The following CFTR variants were observed in gnomAD, a reference collection of about 807,000 sequenced individuals.
The protein encoded by CFTR is cystic fibrosis transmembrane conductance regulator.
Under a neutral mutation model 171.6 loss-of-function variants are expected in CFTR, and 181 were observed. That is an observed-to-expected ratio of 1.05 (90% CI 0.93 to 1.19). CFTR has a LOEUF of 1.19. Ranked by LOEUF, CFTR falls within the 50% of genes most tolerant of loss-of-function variation. The pLI, the probability that CFTR is intolerant of heterozygous loss-of-function variation, is 0.00. For synonymous variants in CFTR, 583 were observed against 608.0 expected (o/e 0.96, Z 0.60); for missense variants, 1,968 against 1,734.7 (o/e 1.13, Z -2.39).
intron 10 of CFTR, among the ~76,000 whole-genome samples, chr7:117,553,147 CAGAACTG>C (rs1799298953): frequency 6.6e-6 from 1 of 151,994 alleles, no homozygotes; most frequent in Non-Finnish European, 1.5e-5. Flanking sequence ...TCCCAGCCTC[CAGAACTG>C]TGAGAAATAA....
Position 117,642,067 on chromosome 7 carries a change from G to A in CFTR, c.3718-371G>A, listed in dbSNP as rs192880753. On this transcript the variant is annotated intron_variant, in intron 22 of 26. Transcript: ENST00000003084. Reference sequence around the variant, plus strand: ...CTTTGGGTACTAGATCAAATTGCAGGTCTCTGCTTCTGGCTTGAGCCTATG... The same window carrying A: ...CTTTGGGTACTAGATCAAATTGCAGATCTCTGCTTCTGGCTTGAGCCTATG... Among the ~76,000 whole-genome samples, 115 of 152,290 alleles carry A rather than the reference G, an allele frequency of 7.6e-4. 1 individual carries two copies. Among genetic ancestry groups the A allele is most frequent in the Middle Eastern group, 3.4e-3 (1 of 294 alleles).
chr7:117,629,092 T>C (rs1180598273), intron 22 of CFTR, among the ~76,000 whole-genome samples: 1 of 152,114 alleles, frequency 6.6e-6, no homozygotes, highest in Non-Finnish European at 1.5e-5. Context: ...ATAGGAAGTT[T>C]CCCTGATGTG....
At chr7:117,579,591 T>C (rs1214127533) in intron 11 of CFTR, among the ~76,000 whole-genome samples, 1 of 151,394 alleles carries the variant, frequency 6.6e-6, no homozygotes, top group Non-Finnish European at 1.5e-5. Flanking sequence ...TAATATTTGT[T>C]ATTATATGGA....
intron 20 of CFTR, among the ~76,000 whole-genome samples, 198 bp downstream of exon 20, chr7:117,612,006 G>GATATATATATATAT (rs375943671): frequency 3.9e-5 from 3 of 76,774 alleles, no homozygotes; most frequent in African/African-American, 1.5e-4. Context: ...CTTGAAATCG[G>GATATATATATATAT]ATATATATAT....
chr7:117,611,265 A>C (rs1484923912), intron 19 of CFTR, among the ~76,000 whole-genome samples: 1 of 152,200 alleles, frequency 6.6e-6, no homozygotes, highest in Non-Finnish European at 1.5e-5. Flanking sequence ...TTGTCTTAAA[A>C]GAAAATTTTT....
chr7:117,647,748 T>G (rs1793016177), intron 23 of CFTR, among the ~76,000 whole-genome samples: 1 of 151,608 alleles, frequency 6.6e-6, no homozygotes, highest in South Asian at 2.1e-4. Flanking sequence ...CTTAAACTCC[T>G]GGCCTCAAGT....
intron 9 of CFTR, among the ~76,000 whole-genome samples, chr7:117,547,906 G>A (rs547247300): frequency 6.6e-6 from 1 of 152,242 alleles, no homozygotes; most frequent in East Asian, 1.9e-4. Flanking sequence ...AGTGAATAGA[G>A]TCCCTTAAAA....
At chr7:117,536,788 T>C (rs1226600921) in intron 7 of CFTR, 115 bp downstream of exon 7, 14 of 908,016 alleles carry the variant, frequency 1.5e-5, no homozygotes, top group South Asian at 5.9e-5. Flanking sequence ...AATCAAATGA[T>C]TGCATTTAAG....
chr7:117,584,203 CT>C (rs1351990954), intron 11 of CFTR, among the ~76,000 whole-genome samples: 2 of 151,886 alleles, frequency 1.3e-5, no homozygotes, highest in African/African-American at 4.8e-5. Flanking sequence ...ATTTTTGTTT[CT>C]GTTTTATTTG....
At position 117,570,931 on chromosome 7, in the gene CFTR, C is replaced by T. The variant is rs553640180; in HGVS notation, c.1584+11276C>T. On this transcript the variant is annotated intron_variant, in intron 11 of 26. Transcript: ENST00000003084. The stretch of plus-strand genomic sequence containing the variant: ...TTGTGTAAATGATGCTTTCAAGCTA[C>T]CATAATCCTAAGTAAGTGTATATTT... Among the ~76,000 whole-genome samples, 4 of 152,250 alleles carry T rather than the reference C, an allele frequency of 2.6e-5. No individual in the cohort carries two copies. The South Asian group carries it at 8.3e-4, about 32-fold the overall frequency.
intron 1 of CFTR, among the ~76,000 whole-genome samples, chr7:117,483,636 T>C (rs1286050265): frequency 6.6e-6 from 1 of 152,160 alleles, no homozygotes; most frequent in Non-Finnish European, 1.5e-5. Context: ...CATAACTCAC[T>C]GCAACCTCCA....
chr7:117,615,477 T>C (rs1792472015), intron 21 of CFTR, among the ~76,000 whole-genome samples: 1 of 152,022 alleles, frequency 6.6e-6, no homozygotes, highest in South Asian at 2.1e-4. Flanking sequence ...CATAACATTT[T>C]CATACTATTA....
chr7:117,486,614 C>T (rs960779938), intron 1 of CFTR, among the ~76,000 whole-genome samples: 2 of 151,846 alleles, frequency 1.3e-5, no homozygotes, highest in Admixed American at 6.6e-5. Context: ...AGCATGGCAC[C>T]TTCAAAATAT....
intron 23 of CFTR, among the ~76,000 whole-genome samples, chr7:117,643,419 G>T (rs1428472694): frequency 1.3e-5 from 2 of 152,032 alleles, no homozygotes; most frequent in Non-Finnish European, 2.9e-5. Flanking sequence ...AATGCCAGGA[G>T]CACCTCCAGG....
chr7:117,569,453 A>C (rs1229172317), intron 11 of CFTR, among the ~76,000 whole-genome samples: 1 of 152,156 alleles, frequency 6.6e-6, no homozygotes, highest in Non-Finnish European at 1.5e-5. Flanking sequence ...AGAGATGATA[A>C]CCCGATAATC....
In CFTR at chr7:117,603,667, C is replaced by T. The variant is rs1379576808; in HGVS notation, c.2793C>T (p.Phe931=). 1 of 1,614,096 alleles carries T rather than the reference C, an allele frequency of 6.2e-7. No homozygotes were observed. ...GVADTLLAMG[F]FRGLPLVHTL... ...CCGACACTTTGCTTGCTATGGGATT[C>T]TTCAGAGGTCTACCACTGGTGCATA... The change falls in exon 17 of 27, where the codon TTC becomes TTT. Residue 931 remains phenylalanine, a synonymous_variant. Coordinates refer to ENST00000003084, the MANE Select transcript of CFTR (RefSeq NM_000492.4).
intron 12 of CFTR, among the ~76,000 whole-genome samples, chr7:117,589,064 G>C (rs2116021874): frequency 6.6e-6 from 1 of 152,072 alleles, no homozygotes; most frequent in East Asian, 1.9e-4. Flanking sequence ...TTTAAGATTT[G>C]GTTTTGCTGT....
chr7:117,581,019 A>G (rs1283027544), intron 11 of CFTR, among the ~76,000 whole-genome samples: 4 of 152,212 alleles, frequency 2.6e-5, no homozygotes, highest in African/African-American at 4.8e-5. Flanking sequence ...AAGAACTTGT[A>G]TATCCTCCCT....
chr7:117,600,715 T>C (rs1792209676), intron 15 of CFTR, among the ~76,000 whole-genome samples: 2 of 152,050 alleles, frequency 1.3e-5, no homozygotes, highest in Non-Finnish European at 2.9e-5. Context: ...TTCTATGTGG[T>C]ATGGAATGAT....
Sources: allele counts gnomAD v4.1 joint callset (sites outside exome capture counted in the v4.1 genomes callset), GRCh38; gene constraint gnomAD v4.1.1; transcripts MANE v1.5; gene names NCBI Gene and HGNC (gene_info 2026-07-23, HGNC 2026-07-21).